Variants in ZNF207 observed in about 807,000 individuals in gnomAD.
ZNF207 encodes the protein BUB3-interacting and GLEBS motif-containing protein ZNF207.
In ZNF207, 24 loss-of-function variants were observed where a neutral mutation model predicts 60.2. The observed-to-expected ratio is 0.40, with a 90% confidence interval of 0.29 to 0.56. ZNF207 has a LOEUF of 0.56. ZNF207 is among the 20% of genes least tolerant of loss of function. The pLI is 0.49. For synonymous variants in ZNF207, 236 were observed against 194.7 expected (o/e 1.21, Z -1.77); for missense variants, 452 against 636.6 (o/e 0.71, Z 3.12).
chr17:32,362,249 G>A lies in ZNF207; in HGVS notation c.600-665G>A, dbSNP rs182029050. On this transcript the variant is annotated intron_variant, in intron 6 of 11. Coordinates refer to ENST00000394670, the MANE Select transcript of ZNF207 (RefSeq NM_001098507.2). The stretch of plus-strand genomic sequence containing the variant: ...CAGCTTACTGCAGCCTTGACCTCCT[G>A]GGCTCAAGTGATCCTCCCACCTCAG... Among the ~76,000 whole-genome samples the A allele has an allele frequency of 1.2e-3, 179 of 152,154 alleles. 3 individuals carry two copies. Among genetic ancestry groups the A allele is most frequent in the African/African-American group, 3.9e-3 (161 of 41,488 alleles).
chr17:32,367,344 A>G (rs1597790538), intron 9 of ZNF207, among the ~76,000 whole-genome samples: 1 of 145,006 alleles, frequency 6.9e-6, no homozygotes, highest in African/African-American at 2.5e-5. Flanking sequence ...TTCATGTTAT[A>G]GTTAGTAACG....
In ZNF207 at chr17:32,373,218, G is replaced by T; in HGVS notation, c.*3459G>T. ...TTAAACTTAATTAATTGGGGAGGGG[G>T]ATTCCCCAACAAAAAGAAGTACGGG... On this transcript the variant is annotated 3_prime_UTR_variant, in exon 12 of 12. Coordinates refer to ENST00000394670, the MANE Select transcript of ZNF207 (RefSeq NM_001098507.2). 4.4e-6 allele frequency: 2 copies of T among 451,146 alleles called. No homozygotes were observed. Among genetic ancestry groups the T allele is most frequent in the South Asian group, 1.1e-4 (2 of 18,432 alleles). The allele number at this position is 451,146 out of a possible 1,614,324, so 27.9% of individuals were successfully genotyped here. A position where few individuals can be genotyped will look rare whatever the true frequency, so the allele number is the denominator to read the frequency against.
chr17:32,361,202 A>T, intron 5 of ZNF207: 2 of 586,800 alleles, frequency 3.4e-6, no homozygotes, highest in Admixed American at 3.3e-5. Context: ...CTTCAATTGC[A>T]TTTACTGTGA....
chr17:32,373,465 T>C lies in ZNF207; in HGVS notation c.*3706T>C. 1.6e-6 allele frequency: 1 copy of C among 629,224 alleles called. No individual in the cohort carries two copies. Among genetic ancestry groups the C allele is most frequent in the Non-Finnish European group, 2.9e-6 (1 of 348,170 alleles). The allele number at this position is 629,224 out of a possible 1,614,324, so 39.0% of individuals were successfully genotyped here. A position where few individuals can be genotyped will look rare whatever the true frequency, so the allele number is the denominator to read the frequency against. On this transcript the variant is annotated 3_prime_UTR_variant, in exon 12 of 12. Transcript: ENST00000394670. ...CTGTTCAGTCTGAGGCAAGTGGGAT[T>C]TATTTTATTCCTTATAGGGGCTTTC...
intron 2 of ZNF207, among the ~76,000 whole-genome samples, chr17:32,352,249 C>T (rs2041521915): frequency 6.6e-6 from 1 of 152,080 alleles, no homozygotes. Context: ...GGATTACAGG[C>T]GTGAGCCACC....
Position 32,378,876 on chromosome 17 carries a change from A to G in ZNF207, c.*9117A>G, listed in dbSNP as rs1905776541. On this transcript the variant is annotated 3_prime_UTR_variant, in exon 12 of 12. Coordinates refer to ENST00000394670, the MANE Select transcript of ZNF207 (RefSeq NM_001098507.2). Reference sequence around the variant, plus strand: ...GCCTGAACCATCCTAATCTGATAGTAGGATGTATGGCTTCTTCCTTTTCAC... The same window carrying G: ...GCCTGAACCATCCTAATCTGATAGTGGGATGTATGGCTTCTTCCTTTTCAC... The G allele has an allele frequency of 1.3e-5, 2 of 152,104 alleles. No individual in the cohort carries two copies. Among genetic ancestry groups the G allele is most frequent in the African/African-American group, 4.8e-5 (2 of 41,448 alleles). The allele number at this position is 152,104 out of a possible 1,614,324, so 9.4% of individuals were successfully genotyped here. A position where few individuals can be genotyped will look rare whatever the true frequency, so the allele number is the denominator to read the frequency against.
rs903086325 is a variant in ZNF207, at chr17:32,374,994, A to T, written c.*5235A>T. 2.6e-5 allele frequency: 4 copies of T among 152,200 alleles called. No homozygotes were observed. The highest frequency in any genetic ancestry group is 5.9e-5 in the Non-Finnish European group (4 of 68,024). 9.4% of individuals were successfully genotyped at this position (152,200 alleles called of 1,614,324 possible). A position where few individuals can be genotyped will look rare whatever the true frequency, so the allele number is the denominator to read the frequency against. ...AATTAGGGAATTGGAAGAGAGGCCA[A>T]AAACAAACCTGAATTACTTTTGTTT... On this transcript the variant is annotated 3_prime_UTR_variant, in exon 12 of 12. Coordinates refer to ENST00000394670, the MANE Select transcript of ZNF207 (RefSeq NM_001098507.2).
At chr17:32,354,683 G>A (rs912642548) in intron 2 of ZNF207, among the ~76,000 whole-genome samples, 5 of 151,682 alleles carry the variant, frequency 3.3e-5, no homozygotes, top group Non-Finnish European at 2.9e-5. Context: ...GCGTGATCTC[G>A]GCTCACCGCA....
At chr17:32,364,197 T>TA (rs1452076343) in intron 7 of ZNF207, among the ~76,000 whole-genome samples, 1 of 151,878 alleles carries the variant, frequency 6.6e-6, no homozygotes, top group East Asian at 1.9e-4. Context: ...GGAACCAAAA[T>TA]AACTTTCCCA....
rs1007963616 is a variant in ZNF207, at chr17:32,376,779, C to A, written c.*7020C>A. ...TATGTTTTAATTTTTATCAAAATAA[C>A]CTCAGAGGAGGTACATGTGAGTAAA... is the stretch of plus-strand genomic sequence containing the variant. On this transcript the variant is annotated 3_prime_UTR_variant, in exon 12 of 12. Coordinates refer to ENST00000394670, the MANE Select transcript of ZNF207 (RefSeq NM_001098507.2). 2.0e-5 allele frequency: 3 copies of A among 152,040 alleles called. No homozygotes were observed. Among genetic ancestry groups the A allele is most frequent in the African/African-American group, 7.2e-5 (3 of 41,430 alleles). 9.4% of individuals were successfully genotyped at this position (152,040 alleles called of 1,614,324 possible).
chr17:32,361,431 CA>C (rs1429708939), intron 5 of ZNF207, 36 bp from the exon 6 acceptor site: 1 of 1,576,436 alleles, frequency 6.3e-7, no homozygotes, highest in African/African-American at 1.3e-5. Context: ...TTTTGAAAAT[CA>C]CAGTTAGATT....
At chr17:32,351,518 G>T (rs1271893686) in intron 1 of ZNF207, 4 of 1,516,612 alleles carry the variant, frequency 2.6e-6, no homozygotes, top group Non-Finnish European at 3.5e-6. Context: ...CGACATCTCT[G>T]TTAAACACAG....
Position 32,373,742 on chromosome 17 carries a change from A to G in ZNF207, c.*3983A>G, listed in dbSNP as rs1905562120. On this transcript the variant is annotated 3_prime_UTR_variant, in exon 12 of 12. Transcript: ENST00000394670. ...TATATTGAACTTCAATAAATTGACA[A>G]AATTTGATATTTTTGATTGGAGGCA... is the stretch of plus-strand genomic sequence containing the variant. 1 of 263,186 alleles carries G rather than the reference A, an allele frequency of 3.8e-6. No homozygotes were observed. The allele number at this position is 263,186 out of a possible 1,614,324, so 16.3% of individuals were successfully genotyped here.
chr17:32,361,597 C>G, intron 6 of ZNF207, 82 bp downstream of exon 6: 1 of 1,277,904 alleles, frequency 7.8e-7, no homozygotes, highest in Non-Finnish European at 1.1e-6. Flanking sequence ...GGTATCTATT[C>G]AGTTGACTTC....
chr17:32,357,441 C>T (rs954813378), intron 2 of ZNF207, among the ~76,000 whole-genome samples: 3 of 150,014 alleles, frequency 2.0e-5, no homozygotes, highest in South Asian at 2.1e-4. Flanking sequence ...CTCTGCCTCC[C>T]GTGTTCAAGC....
At chr17:32,353,865 TCA>T (rs1481295567) in intron 2 of ZNF207, among the ~76,000 whole-genome samples, 1 of 151,186 alleles carries the variant, frequency 6.6e-6, no homozygotes, top group Admixed American at 6.6e-5. Context: ...CATGTTAGAC[TCA>T]CAGCTGTTCA....
rs1434707373 is a variant in ZNF207 at position 32,373,240 on chromosome 17, C to T, written c.*3481C>T. On this transcript the variant is annotated 3_prime_UTR_variant, in exon 12 of 12. Transcript: ENST00000394670. ...GGGGATTCCCCAACAAAAAGAAGTACGGGCTCAGAGTGGAATTGTAGTGGA... is the reference window on the plus strand; with the variant it reads ...GGGGATTCCCCAACAAAAAGAAGTATGGGCTCAGAGTGGAATTGTAGTGGA... The T allele has an allele frequency of 2.0e-5, 9 of 454,888 alleles. No homozygotes were observed. Among genetic ancestry groups the T allele is most frequent in the East Asian group, 6.3e-5 (2 of 31,678 alleles). The allele number at this position is 454,888 out of a possible 1,614,324, so 28.2% of individuals were successfully genotyped here.
chr17:32,365,314 C>T lies in ZNF207; in HGVS notation c.671-16C>T. On this transcript the variant is annotated splice_polypyrimidine_tract_variant and intron_variant, in intron 7 of 11. Coordinates refer to ENST00000394670, the MANE Select transcript of ZNF207 (RefSeq NM_001098507.2). ...TTTTCAGTGACTCAATTTCCCCAAA[C>T]ATTTCTTCTCTGCAGGTATGCCCCC... The T allele has an allele frequency of 6.3e-7, 1 of 1,596,602 alleles. No homozygotes were observed. The highest frequency in any genetic ancestry group is 8.5e-7 in the Non-Finnish European group (1 of 1,170,608).
At chr17:32,358,362 A>C in intron 2 of ZNF207, 141 bp from the exon 3 acceptor site, 1 of 609,194 alleles carries the variant, frequency 1.6e-6, no homozygotes, top group Non-Finnish European at 2.6e-6. Context: ...TTAATGTCAC[A>C]GAGCTAGTGA....
Sources: gnomAD v4.1 joint callset for allele counts (sites outside exome capture counted in the v4.1 genomes callset) on GRCh38, gnomAD v4.1.1 for gene constraint, MANE v1.5 for transcripts, NCBI Gene and HGNC (gene_info 2026-07-23, HGNC 2026-07-21) for gene names.